The following MTAP variants were observed in gnomAD, a reference collection of about 807,000 sequenced individuals.
MTAP encodes methylthioadenosine phosphorylase.
A neutral mutation model predicts 33.6 loss-of-function variants in MTAP; 33 were observed. The ratio of observed to expected loss-of-function variants is 0.98; its 90% confidence interval spans 0.74 to 1.31. The LOEUF is 1.31. Among genes scored for constraint, MTAP ranks in the 40% most tolerant of loss-of-function variants. The probability of loss-of-function intolerance (pLI) is 0.00; values close to 1 mark genes in which losing one functional copy is unlikely to be tolerated. For missense variants in MTAP, 367 were observed against 360.0 expected, an observed-to-expected ratio of 1.02 and a Z score of -0.16; for synonymous variants, 148 against 125.7, an observed-to-expected ratio of 1.18 and a Z score of -1.19.
At chr9:21,841,624 G>A (rs185817486) in intron 5 of MTAP, among the ~76,000 whole-genome samples, 1 of 149,322 alleles carries the variant, frequency 6.7e-6, no homozygotes, top group East Asian at 2.0e-4. Context: ...ACATCCCCCA[G>A]CAACAGCCCA....
intron 4 of MTAP, among the ~76,000 whole-genome samples, chr9:21,818,875 T>C (rs879852559): frequency 1.1e-4 from 16 of 152,250 alleles, no homozygotes; most frequent in Non-Finnish European, 2.2e-4. Flanking sequence ...CAAAAACTTA[T>C]TCCTCCTGTC....
At chr9:21,918,307 G>A (rs1363379962) in intron 1 of MTAP, among the ~76,000 whole-genome samples, 1 of 103,132 alleles carries the variant, frequency 9.7e-6, no homozygotes, top group Non-Finnish European at 1.6e-5. Context: ...CAGAGATCCC[G>A]CCACTGCACT....
At chr9:21,805,308 T>A (rs1238376969) in intron 1 of MTAP, among the ~76,000 whole-genome samples, 1 of 152,262 alleles carries the variant, frequency 6.6e-6, no homozygotes, top group African/African-American at 2.4e-5. Context: ...ATTTGGCATA[T>A]CTTTCAAATC....
chr9:21,862,313 A>C lies in MTAP; in HGVS notation c.*299A>C. The C allele has an allele frequency of 2.6e-6, 1 of 384,046 alleles. No individual in the cohort carries two copies. Among genetic ancestry groups the C allele is most frequent in the Non-Finnish European group, 4.1e-6 (1 of 244,362 alleles). The allele number at this position is 384,046 out of a possible 1,614,324, so 23.8% of individuals were successfully genotyped here. On this transcript the variant is annotated 3_prime_UTR_variant, in exon 8 of 8. Coordinates refer to ENST00000644715, the MANE Select transcript of MTAP (RefSeq NM_002451.4). ...TCCCCCTATTAAATTTGCAACAATA[A>C]AGGGTGGAGGGTAATCTCTACTTTC...
At chr9:21,918,115 C>T (rs1204517258) in intron 1 of MTAP, among the ~76,000 whole-genome samples, 4 of 129,246 alleles carry the variant, frequency 3.1e-5, no homozygotes, top group Non-Finnish European at 4.6e-5. Context: ...CTTTGGGAGG[C>T]CGAGGCGGGC....
downstream of MTAP, among the ~76,000 whole-genome samples, chr9:21,939,351 T>C (rs1282087439): frequency 6.6e-6 from 1 of 152,236 alleles, no homozygotes; most frequent in Non-Finnish European, 1.5e-5. Context: ...GTTTGAAACA[T>C]TGCTGTTTCT....
chr9:21,895,386 C>G (rs776329798), intron 1 of MTAP, among the ~76,000 whole-genome samples: 1 of 152,186 alleles, frequency 6.6e-6, no homozygotes, highest in Non-Finnish European at 1.5e-5. Flanking sequence ...AGGAACAGCT[C>G]CAGTCTGCAG....
At chr9:21,895,884 T>C (rs180905378) in intron 1 of MTAP, among the ~76,000 whole-genome samples, 39 of 152,260 alleles carry the variant, frequency 2.6e-4, no homozygotes, top group African/African-American at 8.2e-4. Context: ...CCTCTGGGAA[T>C]TGAACTCAGC....
intron 7 of MTAP, 167 bp from the exon 8 acceptor site, chr9:21,861,809 C>T (rs1825759880): frequency 9.7e-6 from 6 of 620,544 alleles, no homozygotes; most frequent in Admixed American, 8.7e-5. Context: ...ACCCGAAGTT[C>T]CACATCTGGT....
At chr9:21,805,532 G>T (rs1404282367) in intron 1 of MTAP, among the ~76,000 whole-genome samples, 1 of 152,212 alleles carries the variant, frequency 6.6e-6, no homozygotes, top group African/African-American at 2.4e-5. Flanking sequence ...TGGATTTTAA[G>T]CTGTGCAGTA....
chr9:21,939,315 T>C (rs1819096603), downstream of MTAP, among the ~76,000 whole-genome samples: 1 of 152,250 alleles, frequency 6.6e-6, no homozygotes, highest in Non-Finnish European at 1.5e-5. Context: ...AATGTATTGA[T>C]AATAATGATA....
intron 1 of MTAP, among the ~76,000 whole-genome samples, chr9:21,872,834 A>C (rs1362454482): frequency 2.0e-5 from 3 of 152,188 alleles, no homozygotes; most frequent in African/African-American, 4.8e-5. Flanking sequence ...TTATGACTGC[A>C]GTCCTAATGA....
chr9:21,923,748 T>C (rs1021643519), intron 1 of MTAP, among the ~76,000 whole-genome samples: 12 of 152,110 alleles, frequency 7.9e-5, no homozygotes, highest in African/African-American at 2.4e-4. Flanking sequence ...GTGCAGCCTC[T>C]TGCAGCAGTT....
Position 21,859,345 on chromosome 9 carries a change from A to G in MTAP, c.733A>G (p.Asn245Asp). 3 of 1,613,728 alleles carry G rather than the reference A, an allele frequency of 1.9e-6. No individual in the cohort carries two copies. Among genetic ancestry groups the G allele is most frequent in the Non-Finnish European group, 2.5e-6 (3 of 1,179,788 alleles). ...CTTAAAGACCCTGAAAGAAAACGCT[A>G]ATAAAGCCAAAAGCTTACTGCTCAC... Reference protein sequence around the residue: ...RVLKTLKENANKAKSLLLTTI... With the variant: ...RVLKTLKENADKAKSLLLTTI... The change falls in exon 7 of 8, where the codon AAT (asparagine) becomes GAT (aspartate). Residue 245 changes from asparagine to aspartate, a missense_variant. Coordinates refer to ENST00000644715, the MANE Select transcript of MTAP (RefSeq NM_002451.4).
chr9:21,882,949 A>G (rs1025625642), intron 1 of MTAP, among the ~76,000 whole-genome samples: 7 of 151,808 alleles, frequency 4.6e-5, no homozygotes, highest in Non-Finnish European at 1.0e-4. Flanking sequence ...AGGGAAATTT[A>G]TAGTTTTTAA....
At chr9:21,851,884 C>T (rs1825520910) in intron 5 of MTAP, among the ~76,000 whole-genome samples, 1 of 152,162 alleles carries the variant, frequency 6.6e-6, no homozygotes, top group African/African-American at 2.4e-5. Flanking sequence ...TCCTGCCCTC[C>T]AACATCAAAC....
At chr9:21,861,760 T>C in intron 7 of MTAP, 1 of 582,206 alleles carries the variant, frequency 1.7e-6, no homozygotes, top group Non-Finnish European at 3.1e-6. Flanking sequence ...TTAACCTCAC[T>C]TTACAGGAAA....
chr9:21,825,194 A>C (rs1346535245), intron 4 of MTAP, among the ~76,000 whole-genome samples: 1 of 152,142 alleles, frequency 6.6e-6, no homozygotes, highest in Non-Finnish European at 1.5e-5. Context: ...TGCATTGCTC[A>C]TGCTGGGAGC....
chr9:21,905,196 C>T (rs141238725), intron 1 of MTAP, among the ~76,000 whole-genome samples: 109 of 152,194 alleles, frequency 7.2e-4, no homozygotes, highest in African/African-American at 2.6e-3. Context: ...TCAGATCACA[C>T]GTGGGCTTGG....
Sources: gnomAD v4.1 joint callset for allele counts (sites outside exome capture counted in the v4.1 genomes callset) on GRCh38, gnomAD v4.1.1 for gene constraint, MANE v1.5 for transcripts, NCBI Gene and HGNC (gene_info 2026-07-23, HGNC 2026-07-21) for gene names.